LRRTM4: variants seen among roughly 807,000 people sequenced by gnomAD.
LRRTM4 encodes leucine rich repeat transmembrane neuronal 4, also known as leucine-rich repeat transmembrane neuronal protein 4.
A neutral mutation model predicts 47.6 loss-of-function variants in LRRTM4; 25 were observed. That is an observed-to-expected ratio of 0.53 (90% confidence interval 0.38 to 0.73). LRRTM4 has a LOEUF of 0.73. LRRTM4 is among the 30% of genes least tolerant of loss of function. LRRTM4 has a pLI of 0.00. For missense variants in LRRTM4, 638 were observed against 713.4 expected (o/e 0.89, Z 1.20); for synonymous variants, 311 against 269.5 (o/e 1.15, Z -1.51).
At chr2:77,196,883 G>A (rs141355873) in intron 3 of LRRTM4, among the ~76,000 whole-genome samples, 1 of 152,220 alleles carries the variant, frequency 6.6e-6, no homozygotes, top group South Asian at 2.1e-4. Flanking sequence ...GAAATGTCAG[G>A]ATGGCCTAAG....
At chr2:77,306,648 C>T (rs1677280567) in intron 3 of LRRTM4, among the ~76,000 whole-genome samples, 1 of 152,058 alleles carries the variant, frequency 6.6e-6, no homozygotes, top group Non-Finnish European at 1.5e-5. Context: ...GATGCTGATA[C>T]CTTTCCAAGT....
At chr2:77,444,895 T>TATGC (rs1235039008) in intron 3 of LRRTM4, among the ~76,000 whole-genome samples, 2 of 150,256 alleles carry the variant, frequency 1.3e-5, no homozygotes, top group Non-Finnish European at 3.0e-5. Context: ...ATGCAGCATA[T>TATGC]ATGCACCTAA....
intron 3 of LRRTM4, among the ~76,000 whole-genome samples, chr2:76,970,604 T>A (rs1452592657): frequency 6.6e-6 from 1 of 152,080 alleles, no homozygotes; most frequent in African/African-American, 2.4e-5. Context: ...ATAATTGGCT[T>A]GCATTATGAG....
intron 3 of LRRTM4, among the ~76,000 whole-genome samples, chr2:76,895,011 G>T (rs994564613): frequency 6.6e-6 from 1 of 151,314 alleles, no homozygotes; most frequent in Non-Finnish European, 1.5e-5. Context: ...CTAAATATTA[G>T]AAATTATATT....
chr2:77,255,226 T>C (rs996089178), intron 3 of LRRTM4, among the ~76,000 whole-genome samples: 2 of 151,950 alleles, frequency 1.3e-5, no homozygotes, highest in African/African-American at 4.8e-5. Context: ...AGAAAGATAT[T>C]AAGCCTAAAT....
At chr2:76,750,695 C>T (rs149920536) in intron 3 of LRRTM4, among the ~76,000 whole-genome samples, 258 of 152,162 alleles carry the variant, frequency 1.7e-3, no homozygotes, top group African/African-American at 5.2e-3. Context: ...AGATGTCATT[C>T]GTCTGTTTAC....
intron 3 of LRRTM4, among the ~76,000 whole-genome samples, chr2:76,764,868 C>T (rs1673396016): frequency 6.6e-6 from 1 of 152,144 alleles, no homozygotes; most frequent in South Asian, 2.1e-4. Context: ...CCCCTCCCAC[C>T]ATAGGTCCAG....
At chr2:77,328,780 C>T (rs13025652) in intron 3 of LRRTM4, among the ~76,000 whole-genome samples, 73,368 of 151,960 alleles carry the variant, frequency 0.48, 21,678 homozygotes, top group Non-Finnish European at 0.66. Flanking sequence ...TTTCGGGCTG[C>T]ACTATAGGCA....
At chr2:76,807,443 T>TATATAC (rs1340328428) in intron 3 of LRRTM4, among the ~76,000 whole-genome samples, 18,038 of 98,998 alleles carry the variant, frequency 0.18, 1,709 homozygotes, top group East Asian at 0.43. Context: ...TATACGTATA[T>TATATAC]ACATATATAT....
intron 3 of LRRTM4, among the ~76,000 whole-genome samples, chr2:77,296,471 GTTAATT>G (rs1314926931): frequency 1.1e-4 from 17 of 152,162 alleles, no homozygotes; most frequent in African/African-American, 4.1e-4. Flanking sequence ...TGGTATGCCT[GTTAATT>G]TTATCTATGG....
chr2:77,136,851 C>T (rs10164763), intron 3 of LRRTM4, among the ~76,000 whole-genome samples: 53,235 of 151,566 alleles, frequency 0.35, 10,570 homozygotes, highest in African/African-American at 0.52. Context: ...GTAGCCGATT[C>T]GATCAACTGG....
In LRRTM4 at chr2:76,998,769, GT is replaced by G. The variant is rs544805115; in HGVS notation, c.1552-249854del. On this transcript the variant is annotated intron_variant, in intron 3 of 3. Coordinates refer to ENST00000409884, the MANE Select transcript of LRRTM4 (RefSeq NM_001134745.3). ...CTTCAGTTTTTCCTCTATATTTTCTGTTTTTTTTTTTTTTCCTTAACATCAG... is the reference window on the plus strand; with the variant it reads ...CTTCAGTTTTTCCTCTATATTTTCTGTTTTTTTTTTTTTCCTTAACATCAG... 5.2e-3 allele frequency among the ~76,000 whole-genome samples: 717 copies of G among 138,744 alleles called. 3 individuals carry two copies. Among genetic ancestry groups the G allele is most frequent in the African/African-American group, 0.013 (506 of 37,830 alleles). 91.0% of individuals were successfully genotyped at this position (138,744 alleles called of 152,430 possible). A position where few individuals can be genotyped will look rare whatever the true frequency, so the allele number is the denominator to read the frequency against.
intron 3 of LRRTM4, among the ~76,000 whole-genome samples, chr2:76,785,208 A>AGGAATGAAGACTTTAATAACT (rs1413283955): frequency 6.6e-6 from 1 of 152,156 alleles, no homozygotes; most frequent in African/African-American, 2.4e-5. Flanking sequence ...CATAAAATTT[A>AGGAATGAAGACTTTAATAACT]GGAATGAAGA....
chr2:77,043,091 G>C (rs542732228), intron 3 of LRRTM4, among the ~76,000 whole-genome samples: 1 of 151,804 alleles, frequency 6.6e-6, no homozygotes, highest in Admixed American at 6.6e-5. Context: ...CTTGGACTTA[G>C]GAAGTAAGCC....
chr2:76,820,870 C>G (rs1558676126), intron 3 of LRRTM4, among the ~76,000 whole-genome samples: 2 of 151,764 alleles, frequency 1.3e-5, no homozygotes, highest in African/African-American at 2.4e-5. Context: ...GCAGTTACAG[C>G]ATCTGAATTC....
intron 3 of LRRTM4, among the ~76,000 whole-genome samples, chr2:76,910,066 A>G (rs184928462): frequency 0.013 from 2,049 of 152,252 alleles, 18 homozygotes; most frequent in Middle Eastern, 0.044. Context: ...TTGTGGCACT[A>G]TTCACAATAG....
chr2:76,822,185 C>CA (rs1366823101), intron 3 of LRRTM4, among the ~76,000 whole-genome samples: 4 of 151,372 alleles, frequency 2.6e-5, no homozygotes, highest in African/African-American at 9.7e-5. Context: ...CTTGTGCTCT[C>CA]AAAATCAGTC....
At chr2:77,170,334 G>T (rs1673010976) in intron 3 of LRRTM4, among the ~76,000 whole-genome samples, 1 of 152,134 alleles carries the variant, frequency 6.6e-6, no homozygotes, top group African/African-American at 2.4e-5. Context: ...CTAGAAGCTG[G>T]AAATAAACTT....
At chr2:77,043,232 A>C (rs147080862) in intron 3 of LRRTM4, among the ~76,000 whole-genome samples, 60 of 151,900 alleles carry the variant, frequency 3.9e-4, no homozygotes, top group African/African-American at 1.4e-3. Context: ...TGCAGGTCAG[A>C]AGTTGCCTCT....
Sources: allele counts gnomAD v4.1 joint callset (sites outside exome capture counted in the v4.1 genomes callset), GRCh38; gene constraint gnomAD v4.1.1; transcripts MANE v1.5; gene names NCBI Gene and HGNC (gene_info 2026-07-23, HGNC 2026-07-21).